The following IL1RAPL1 variants were observed in gnomAD, a reference collection of about 807,000 sequenced individuals.
The protein encoded by IL1RAPL1 is interleukin 1 receptor accessory protein like 1.
Under a neutral mutation model 48.4 loss-of-function variants are expected in IL1RAPL1, and 3 were observed. That is an observed-to-expected ratio of 0.06 (90% CI 0.03 to 0.16). IL1RAPL1 has a LOEUF of 0.16. IL1RAPL1 is among the 10% of genes least tolerant of loss of function. The pLI is 1.00. For synonymous variants in IL1RAPL1, 185 were observed against 187.7 expected, an observed-to-expected ratio of 0.99 and a Z score of 0.12; for missense variants, 349 against 530.6, an observed-to-expected ratio of 0.66 and a Z score of 3.36.
chrX:29,101,371 G>C (rs941799496), intron 2 of IL1RAPL1, among the ~76,000 whole-genome samples: 1 of 111,600 alleles, frequency 9.0e-6, no homozygotes, highest in African/African-American at 3.3e-5. Context: ...CAATCTTCCA[G>C]CAAAGTGCAG....
chrX:28,967,757 G>A (rs755935722), intron 2 of IL1RAPL1, among the ~76,000 whole-genome samples: 2 of 112,201 alleles, frequency 1.8e-5, no homozygotes, highest in Non-Finnish European at 3.8e-5. Context: ...TACAGTGCAG[G>A]CATGCACAGC....
At chrX:29,677,845 A>G (rs1366634042) in intron 6 of IL1RAPL1, among the ~76,000 whole-genome samples, 1 of 112,331 alleles carries the variant, frequency 8.9e-6, no homozygotes, top group Non-Finnish European at 1.9e-5. Context: ...AGTAACCAGA[A>G]TATCTCATGT....
intron 6 of IL1RAPL1, among the ~76,000 whole-genome samples, chrX:29,865,119 C>T (rs759792443): frequency 9.0e-6 from 1 of 111,629 alleles, no homozygotes; most frequent in Non-Finnish European, 1.9e-5. Flanking sequence ...TTTAACTTCT[C>T]AGAACAAAAA....
intron 2 of IL1RAPL1, among the ~76,000 whole-genome samples, chrX:29,174,509 T>C (rs1929969751): frequency 8.9e-6 from 1 of 112,088 alleles, no homozygotes; most frequent in African/African-American, 3.2e-5. Context: ...CACAGCTAAG[T>C]AATAGTACAT....
At chrX:29,279,350 C>A (rs1402727838) in intron 2 of IL1RAPL1, among the ~76,000 whole-genome samples, 1 of 110,623 alleles carries the variant, frequency 9.0e-6, no homozygotes, top group Admixed American at 9.6e-5. Flanking sequence ...GCAGGAGAAT[C>A]GCTTGAACCT....
chrX:29,749,852 A>T (rs1928419141), intron 6 of IL1RAPL1, among the ~76,000 whole-genome samples: 1 of 111,951 alleles, frequency 8.9e-6, no homozygotes, highest in African/African-American at 3.2e-5. Context: ...GTTCCTTCTA[A>T]CTGTTTTATG....
intron 2 of IL1RAPL1, among the ~76,000 whole-genome samples, chrX:28,926,977 C>T (rs1923759654): frequency 9.0e-6 from 1 of 110,985 alleles, no homozygotes; most frequent in South Asian, 3.8e-4. Context: ...TTACTACAGC[C>T]TTGAAATCCT....
At chrX:29,581,996 G>A (rs967017303) in intron 5 of IL1RAPL1, among the ~76,000 whole-genome samples, 8 of 111,590 alleles carry the variant, frequency 7.2e-5, no homozygotes, top group Non-Finnish European at 1.3e-4. Context: ...TTGAGGCTTG[G>A]GCTGAGTTTA....
rs189374988 is a variant in IL1RAPL1 at position 29,563,772 on chromosome X, C to T, written c.704-104658C>T. 8.9e-5 allele frequency among the ~76,000 whole-genome samples: 10 copies of T among 112,144 alleles called. No individual in the cohort carries two copies. The East Asian group carries it at 1.7e-3, about 19-fold the overall frequency. ...CTTATTTAGAGTTATTATCAACTTA[C>T]TTGCCTTAGTGCTGACATTGTTGAT... On this transcript the variant is annotated intron_variant, in intron 5 of 10. Transcript: ENST00000378993.
At chrX:29,209,816 A>C in intron 2 of IL1RAPL1, among the ~76,000 whole-genome samples, 1 of 112,451 alleles carries the variant, frequency 8.9e-6, no homozygotes, top group Non-Finnish European at 1.9e-5. Context: ...AAGTAGTAAC[A>C]GATGGATAGG....
intron 2 of IL1RAPL1, among the ~76,000 whole-genome samples, chrX:29,079,155 T>A (rs5985951): frequency 0.24 from 26,549 of 110,568 alleles, 3,019 homozygotes; most frequent in African/African-American, 0.44. Flanking sequence ...ATAGTTGTTT[T>A]TACCTGTTGT....
At chrX:28,925,249 T>G (rs1369557426) in intron 2 of IL1RAPL1, among the ~76,000 whole-genome samples, 1 of 111,557 alleles carries the variant, frequency 9.0e-6, no homozygotes, top group Non-Finnish European at 1.9e-5. Flanking sequence ...TAAAACAAAT[T>G]AATACTTTTA....
rs57923954 is a variant in IL1RAPL1, at chrX:28,831,026, CTGTGTG to C, written c.82+41647_82+41652del. On this transcript the variant is annotated intron_variant, in intron 2 of 10. Transcript: ENST00000378993. ...TCTCTCTCTCTCTCTCTCTCTCTCT[CTGTGTG>C]TGTGTGTGTGTGTGTGTGTGTGTGT... 8.3e-3 allele frequency among the ~76,000 whole-genome samples: 279 copies of C among 33,565 alleles called. 5 individuals are homozygous for C. Among genetic ancestry groups the C allele is most frequent in the African/African-American group, 0.021 (136 of 6,610 alleles). The allele number at this position is 33,565 out of a possible 115,157, so 29.1% of individuals were successfully genotyped here. A position where few individuals can be genotyped will look rare whatever the true frequency, so the allele number is the denominator to read the frequency against.
chrX:29,778,236 C>T (rs959723554), intron 6 of IL1RAPL1, among the ~76,000 whole-genome samples: 5 of 111,442 alleles, frequency 4.5e-5, no homozygotes, highest in East Asian at 2.8e-4. Flanking sequence ...TTTCTGTCTT[C>T]TTTTATAAAG....
intron 2 of IL1RAPL1, among the ~76,000 whole-genome samples, chrX:28,825,512 A>G (rs1462664516): frequency 1.8e-5 from 2 of 111,363 alleles, no homozygotes; most frequent in African/African-American, 6.5e-5. Flanking sequence ...AGATATGTAA[A>G]TAACCATTTC....
intron 5 of IL1RAPL1, among the ~76,000 whole-genome samples, chrX:29,426,775 G>T (rs192474533): frequency 2.3e-4 from 26 of 111,151 alleles, no homozygotes; most frequent in African/African-American, 8.2e-4. Flanking sequence ...GTGAATAGCC[G>T]TACTCAAAAT....
In IL1RAPL1 at chrX:29,956,092, G is replaced by T; in HGVS notation, c.*272G>T. 1 of 353,828 alleles carries T rather than the reference G, an allele frequency of 2.8e-6. No individual in the cohort carries two copies. Among genetic ancestry groups the T allele is most frequent in the East Asian group, 4.7e-5 (1 of 21,125 alleles). The allele number at this position is 353,828 out of a possible 1,213,427, so 29.2% of individuals were successfully genotyped here. A position where few individuals can be genotyped will look rare whatever the true frequency, so the allele number is the denominator to read the frequency against. On this transcript the variant is annotated 3_prime_UTR_variant, in exon 11 of 11. Transcript: ENST00000378993. ...TTACATTTTTTTTAAAGAAGAGACT[G>T]ATGTGTAGATAGAAAACCCTTTTTT...
At chrX:29,230,517 A>ACAAAAAAAC (rs1555978805) in intron 2 of IL1RAPL1, among the ~76,000 whole-genome samples, 1 of 90,536 alleles carries the variant, frequency 1.1e-5, no homozygotes, top group African/African-American at 4.3e-5. Context: ...AAAAAAAAAA[A>ACAAAAAAAC]AAAAAAAAAA....
intron 3 of IL1RAPL1, among the ~76,000 whole-genome samples, chrX:29,366,720 C>T (rs1270239681): frequency 9.3e-6 from 1 of 108,099 alleles, no homozygotes; most frequent in East Asian, 2.9e-4. Context: ...AGGTACCCGG[C>T]ACCACGCCCG....
Sources: allele counts gnomAD v4.1 joint callset (sites outside exome capture counted in the v4.1 genomes callset), GRCh38; gene constraint gnomAD v4.1.1; transcripts MANE v1.5; gene names NCBI Gene and HGNC (gene_info 2026-07-23, HGNC 2026-07-21).